Variants in KIF2A observed in about 807,000 individuals in gnomAD.
KIF2A encodes kinesin family member 2A.
In KIF2A, 22 loss-of-function variants were observed where a neutral mutation model predicts 100.2. The observed-to-expected ratio is 0.22, with a 90% CI of 0.16 to 0.31. The LOEUF is 0.31. Among genes scored for constraint, KIF2A ranks in the 10% least tolerant of loss-of-function variants. The probability of loss-of-function intolerance (pLI) is 1.00; values close to 1 mark genes in which losing one functional copy is unlikely to be tolerated. For missense variants in KIF2A, 495 were observed against 898.7 expected, an observed-to-expected ratio of 0.55 and a Z score of 5.74; for synonymous variants, 268 against 285.9, an observed-to-expected ratio of 0.94 and a Z score of 0.63.
chr5:62,372,427 T>C lies in KIF2A; in HGVS notation c.1647-11T>C. The C allele has an allele frequency of 6.8e-7, 1 of 1,476,482 alleles. No individual in the cohort carries two copies. The highest frequency in any genetic ancestry group is 9.4e-7 in the Non-Finnish European group (1 of 1,059,212). 91.5% of individuals were successfully genotyped at this position (1,476,482 alleles called of 1,614,324 possible). A position where few individuals can be genotyped will look rare whatever the true frequency, so the allele number is the denominator to read the frequency against. Reference sequence around the variant, plus strand: ...ATTTTCTTTTAATTTGTTGCTCTTTTGGTGCTGCAGAGTAAAGGAGTTTGG... The same window carrying C: ...ATTTTCTTTTAATTTGTTGCTCTTTCGGTGCTGCAGAGTAAAGGAGTTTGG... On this transcript the variant is annotated splice_polypyrimidine_tract_variant and intron_variant, in intron 16 of 20. Transcript: ENST00000407818.
intron 1 of KIF2A, among the ~76,000 whole-genome samples, chr5:62,330,837 T>A (rs896894103): frequency 6.6e-6 from 1 of 152,162 alleles, no homozygotes; most frequent in African/African-American, 2.4e-5. Flanking sequence ...TAAGCTAGAT[T>A]TTCCTATTAG....
At chr5:62,319,264 C>T (rs562317500) in intron 1 of KIF2A, among the ~76,000 whole-genome samples, 12 of 152,204 alleles carry the variant, frequency 7.9e-5, no homozygotes, top group Non-Finnish European at 1.8e-4. Flanking sequence ...ACCCTCTGAT[C>T]ACAGGCTTAA....
At chr5:62,321,913 A>C (rs1226527411) in intron 1 of KIF2A, among the ~76,000 whole-genome samples, 8 of 151,740 alleles carry the variant, frequency 5.3e-5, no homozygotes, top group Non-Finnish European at 1.0e-4. Context: ...TCACTTTATA[A>C]TTTGGTATGT....
chr5:62,385,448 A>G (rs1302555174), intron 20 of KIF2A, 36 bp from the exon 21 acceptor site: 21 of 1,443,748 alleles, frequency 1.5e-5, no homozygotes, highest in Non-Finnish European at 2.0e-5. Context: ...TGCGTGTAAT[A>G]CAATACTTAT....
At chr5:62,380,356 C>T (rs942372215) in intron 19 of KIF2A, among the ~76,000 whole-genome samples, 6 of 152,190 alleles carry the variant, frequency 3.9e-5, no homozygotes, top group Admixed American at 2.0e-4. Flanking sequence ...GAGACTTACT[C>T]TCCTCTTTAA....
At chr5:62,378,151 A>G (rs1741623223) in intron 19 of KIF2A, among the ~76,000 whole-genome samples, 1 of 152,236 alleles carries the variant, frequency 6.6e-6, no homozygotes, top group African/African-American at 2.4e-5. Flanking sequence ...GTTGCAGAAA[A>G]GAGAGACTAC....
chr5:62,365,927 G>A (rs1741044428), intron 15 of KIF2A, among the ~76,000 whole-genome samples: 1 of 152,072 alleles, frequency 6.6e-6, no homozygotes, highest in African/African-American at 2.4e-5. Context: ...GTTTGTCCCA[G>A]AAGGGAGAGT....
At chr5:62,367,236 G>C (rs1741115667) in intron 16 of KIF2A, among the ~76,000 whole-genome samples, 1 of 151,976 alleles carries the variant, frequency 6.6e-6, no homozygotes, top group Non-Finnish European at 1.5e-5. Context: ...AGAAGTGATA[G>C]CACAGTTCTT....
chr5:62,371,111 T>A (rs1345900677), intron 16 of KIF2A, among the ~76,000 whole-genome samples: 2 of 151,568 alleles, frequency 1.3e-5, no homozygotes, highest in Non-Finnish European at 2.9e-5. Context: ...TACAAAAAAA[T>A]AAAAAATTAG....
At chr5:62,362,665 C>A (rs1316783991) in intron 12 of KIF2A, 124 bp downstream of exon 12, 2 of 394,380 alleles carry the variant, frequency 5.1e-6, no homozygotes, top group Non-Finnish European at 4.5e-6. Context: ...GCGTTTACCA[C>A]CATAATTTAT....
rs1742014571 is a variant in KIF2A at position 62,386,157 on chromosome 5, T to G, written c.*588T>G. 1 of 152,826 alleles carries G rather than the reference T, an allele frequency of 6.5e-6. No individual in the cohort carries two copies. Among genetic ancestry groups the G allele is most frequent in the Non-Finnish European group, 1.5e-5 (1 of 68,178 alleles). 9.5% of individuals were successfully genotyped at this position (152,826 alleles called of 1,614,324 possible). On this transcript the variant is annotated 3_prime_UTR_variant, in exon 21 of 21. Coordinates refer to ENST00000407818, the MANE Select transcript of KIF2A (RefSeq NM_001098511.3). ...CATTTTTACTGTATTTGAGACATTT[T>G]TTGTGTGTGACTAGTTAATTTTGCA...
Position 62,390,904 on chromosome 5 carries a change from G to C in KIF2A, c.*5335G>C, listed in dbSNP as rs778930323. On this transcript the variant is annotated 3_prime_UTR_variant, in exon 21 of 21. Transcript: ENST00000407818. The stretch of plus-strand genomic sequence containing the variant: ...ATGAAGTCATCTATGTCCATGGAAC[G>C]GGCCCGTTTGTCACTAAAACCTGTG... 1.2e-6 allele frequency: 2 copies of C among 1,612,060 alleles called. No individual in the cohort carries two copies. The highest frequency in any genetic ancestry group is 1.7e-5 in the Admixed American group (1 of 59,998).
At chr5:62,334,004 C>T (rs1746789376) in intron 1 of KIF2A, among the ~76,000 whole-genome samples, 1 of 152,116 alleles carries the variant, frequency 6.6e-6, no homozygotes, top group African/African-American at 2.4e-5. Context: ...CTGTCGTCAC[C>T]CTCCTCCTGA....
At position 62,372,474 on chromosome 5, in the gene KIF2A, C is replaced by T; in HGVS notation, c.1683C>T (p.Pro561=). Residue 561 remains proline (P), a synonymous_variant, in exon 17 of 21, where the codon CCC becomes CCT. Coordinates refer to ENST00000407818, the MANE Select transcript of KIF2A (RefSeq NM_001098511.3). ...TTGGAATTAGTCCATCAGACATTCC[C>T]TTCTCACAGGGTAGTGGCAGTCGCC... ...KEFGISPSDI[P]FSQGSGSRPD... The T allele has an allele frequency of 6.2e-7, 1 of 1,612,560 alleles. No individual in the cohort carries two copies. The highest frequency in any genetic ancestry group is 1.1e-5 in the South Asian group (1 of 90,908).
intron 20 of KIF2A, among the ~76,000 whole-genome samples, chr5:62,383,793 T>A (rs924070382): frequency 6.6e-6 from 1 of 152,230 alleles, no homozygotes; most frequent in Non-Finnish European, 1.5e-5. Flanking sequence ...CACTCTGGTA[T>A]TTTTTCTTTG....
At chr5:62,323,653 G>A (rs995795003) in intron 1 of KIF2A, among the ~76,000 whole-genome samples, 2 of 152,206 alleles carry the variant, frequency 1.3e-5, no homozygotes, top group African/African-American at 4.8e-5. Context: ...TGATAGAAGT[G>A]GCAGTGGGAT....
chr5:62,337,705 A>G (rs1236193634), intron 1 of KIF2A, among the ~76,000 whole-genome samples: 1 of 151,764 alleles, frequency 6.6e-6, no homozygotes, highest in Non-Finnish European at 1.5e-5. Flanking sequence ...CATGCCTGTA[A>G]TCCTTGCTAC....
At chr5:62,316,105 A>T (rs1745808978) in intron 1 of KIF2A, among the ~76,000 whole-genome samples, 1 of 152,218 alleles carries the variant, frequency 6.6e-6, no homozygotes. Context: ...CATCCAACTC[A>T]GGCTGCATAT....
At chr5:62,339,848 G>A (rs1417567177) in intron 1 of KIF2A, among the ~76,000 whole-genome samples, 1 of 150,128 alleles carries the variant, frequency 6.7e-6, no homozygotes, top group East Asian at 2.0e-4. Flanking sequence ...TTAGATTTCT[G>A]TGTGTGTGTG....
Sources: allele counts gnomAD v4.1 joint callset (sites outside exome capture counted in the v4.1 genomes callset), GRCh38; gene constraint gnomAD v4.1.1; transcripts MANE v1.5; gene names NCBI Gene and HGNC (gene_info 2026-07-23, HGNC 2026-07-21).